ROBO2: variants seen among roughly 807,000 people sequenced by gnomAD.
The protein encoded by ROBO2 is roundabout homolog 2.
Under a neutral mutation model 160.8 loss-of-function variants are expected in ROBO2, and 53 were observed. That is an observed-to-expected ratio of 0.33 (90% confidence interval 0.26 to 0.41). The LOEUF is 0.41. Ranked by LOEUF, ROBO2 falls within the 10% of genes least tolerant of loss-of-function variation. The pLI is 1.00. For synonymous variants in ROBO2, 664 were observed against 611.7 expected, an observed-to-expected ratio of 1.09 and a Z score of -1.26; for missense variants, 1,577 against 1,722.4, an observed-to-expected ratio of 0.92 and a Z score of 1.49.
chr3:77,329,993 T>C (rs1189528962), intron 2 of ROBO2, among the ~76,000 whole-genome samples: 1 of 152,162 alleles, frequency 6.6e-6, no homozygotes, highest in Non-Finnish European at 1.5e-5. Context: ...AACTTCACCA[T>C]TAGACAGACT....
intron 2 of ROBO2, among the ~76,000 whole-genome samples, chr3:77,109,520 G>A (rs2073292780): frequency 6.6e-6 from 1 of 152,124 alleles, no homozygotes; most frequent in Non-Finnish European, 1.5e-5. Context: ...GGGAGGAGGA[G>A]TTGCTCTGGT....
intron 2 of ROBO2, among the ~76,000 whole-genome samples, chr3:77,455,655 C>T (rs1438798316): frequency 6.6e-6 from 1 of 151,974 alleles, no homozygotes; most frequent in East Asian, 1.9e-4. Context: ...TGGTCTCGAT[C>T]TCCTGACCTC....
chr3:75,931,104 C>T (rs972835600), intron 1 of ROBO2, among the ~76,000 whole-genome samples: 2 of 152,162 alleles, frequency 1.3e-5, no homozygotes, highest in African/African-American at 4.8e-5. Flanking sequence ...TCACATTAGT[C>T]TTTATCCCTT....
chr3:77,521,726 A>C (rs1335493916), intron 5 of ROBO2, among the ~76,000 whole-genome samples: 1 of 151,278 alleles, frequency 6.6e-6, no homozygotes, highest in Non-Finnish European at 1.5e-5. Flanking sequence ...TTCATGCCTT[A>C]GCCTCTAATA....
At chr3:76,774,861 A>G (rs1226196429) in intron 2 of ROBO2, among the ~76,000 whole-genome samples, 3 of 148,296 alleles carry the variant, frequency 2.0e-5, no homozygotes, top group Admixed American at 1.4e-4. Flanking sequence ...TGTTTCATCT[A>G]TTATGGGTCA....
At chr3:76,129,318 T>G (rs930172536) in intron 2 of ROBO2, among the ~76,000 whole-genome samples, 4 of 152,158 alleles carry the variant, frequency 2.6e-5, no homozygotes, top group African/African-American at 9.6e-5. Context: ...AAACTTTCAT[T>G]TTATAGAGAA....
intron 2 of ROBO2, among the ~76,000 whole-genome samples, chr3:76,085,269 C>T (rs746096271): frequency 6.6e-6 from 1 of 152,152 alleles, no homozygotes; most frequent in Non-Finnish European, 1.5e-5. Flanking sequence ...ACACCTTTAA[C>T]AAATGTTTGA....
At chr3:77,044,653 A>G (rs1228537829) in intron 1 of ROBO2, among the ~76,000 whole-genome samples, 1 of 152,172 alleles carries the variant, frequency 6.6e-6, no homozygotes, top group East Asian at 1.9e-4. Context: ...CTGCATTTAA[A>G]GGAAAAATGT....
chr3:77,331,350 GA>G (rs1305387460), intron 2 of ROBO2, among the ~76,000 whole-genome samples: 1 of 152,186 alleles, frequency 6.6e-6, no homozygotes, highest in Non-Finnish European at 1.5e-5. Context: ...GTTTAATGAG[GA>G]GATGTGAAGC....
upstream of ROBO2, among the ~76,000 whole-genome samples, chr3:77,039,721 C>T (rs974912363): frequency 3.9e-5 from 6 of 152,058 alleles, no homozygotes; most frequent in Non-Finnish European, 7.4e-5. Context: ...TTCAGGGCTC[C>T]GCGCGCCCCT....
chr3:76,963,934 T>C (rs1270483420), intron 2 of ROBO2, among the ~76,000 whole-genome samples: 5 of 152,202 alleles, frequency 3.3e-5, no homozygotes. Flanking sequence ...GTTTAGTTTC[T>C]GTCCCAGTTA....
intron 2 of ROBO2, among the ~76,000 whole-genome samples, chr3:77,107,285 C>T (rs545996643): frequency 6.6e-6 from 1 of 152,226 alleles, no homozygotes; most frequent in South Asian, 2.1e-4. Context: ...AACGTTCTGA[C>T]CACAGCTCTG....
intron 2 of ROBO2, among the ~76,000 whole-genome samples, chr3:76,916,873 T>C (rs893340373): frequency 1.3e-5 from 2 of 152,118 alleles, no homozygotes; most frequent in Non-Finnish European, 2.9e-5. Flanking sequence ...ACAGTTGCTT[T>C]TTCTTTTTTT....
chr3:76,720,498 G>C (rs1242513197), intron 2 of ROBO2, among the ~76,000 whole-genome samples: 10 of 152,062 alleles, frequency 6.6e-5, no homozygotes, highest in Non-Finnish European at 1.5e-4. Flanking sequence ...TCTCTGAAAG[G>C]AACAGTAACA....
chr3:77,445,485 A>G (rs900551708), intron 2 of ROBO2, among the ~76,000 whole-genome samples: 1 of 152,106 alleles, frequency 6.6e-6, no homozygotes, highest in Admixed American at 6.6e-5. Flanking sequence ...TTAAATATCC[A>G]TACAAAAATA....
intron 2 of ROBO2, among the ~76,000 whole-genome samples, chr3:75,981,062 A>G (rs1282455068): frequency 1.3e-5 from 2 of 151,518 alleles, no homozygotes; most frequent in African/African-American, 2.4e-5. Flanking sequence ...TTAACCAAGT[A>G]TTTCTATTTT....
intron 2 of ROBO2, among the ~76,000 whole-genome samples, chr3:76,989,517 G>A (rs1421616480): frequency 1.3e-5 from 2 of 151,820 alleles, no homozygotes; most frequent in Non-Finnish European, 2.9e-5. Context: ...TTTAAACTTA[G>A]AAGACAACAT....
chr3:77,561,613 T>A (rs78711402), intron 9 of ROBO2, among the ~76,000 whole-genome samples: 1 of 152,112 alleles, frequency 6.6e-6, no homozygotes, highest in Non-Finnish European at 1.5e-5. Flanking sequence ...AAGTGATCGA[T>A]GAAATGGCAA....
chr3:76,943,759 A>T (rs1166422104), intron 2 of ROBO2, among the ~76,000 whole-genome samples: 1 of 152,162 alleles, frequency 6.6e-6, no homozygotes, highest in Non-Finnish European at 1.5e-5. Flanking sequence ...GGTTTAGGTT[A>T]GTTTTCTTTC....
Sources: allele counts gnomAD v4.1 joint callset (sites outside exome capture counted in the v4.1 genomes callset), GRCh38; gene constraint gnomAD v4.1.1; transcripts MANE v1.5; gene names NCBI Gene and HGNC (gene_info 2026-07-23, HGNC 2026-07-21).